The following CEACAM20 variants were observed in gnomAD, a reference collection of about 807,000 sequenced individuals.
CEACAM20 encodes CEA cell adhesion molecule 20, also known as cell adhesion molecule CEACAM20.
In CEACAM20, 50 loss-of-function variants were observed where a neutral mutation model predicts 61.2. The ratio of observed to expected loss-of-function variants is 0.82; its 90% CI spans 0.65 to 1.03. The LOEUF (loss-of-function observed/expected upper bound fraction) is 1.03. Ranked by LOEUF, CEACAM20 falls within the 50% of genes least tolerant of loss-of-function variation. CEACAM20 has a pLI of 0.00. For missense variants in CEACAM20, 683 were observed against 736.4 expected (o/e 0.93, Z 0.84); for synonymous variants, 282 against 287.7 (o/e 0.98, Z 0.20).
At chr19:44,512,388 G>A (rs1599666891) in intron 8 of CEACAM20, among the ~76,000 whole-genome samples, 1 of 152,150 alleles carries the variant, frequency 6.6e-6, no homozygotes, top group Non-Finnish European at 1.5e-5. Flanking sequence ...AATGGGGCTG[G>A]ATTGGACAGT....
Position 44,525,151 on chromosome 19 carries a change from A to C in CEACAM20, c.146T>G (p.Leu49Arg). Residue 49 changes from leucine to arginine, a missense_variant, in exon 2 of 12, where the codon CTG becomes CGG. Transcript: ENST00000614924. ...TGTCCTGGGGGTCCCAAACACAGGC[A>C]GAACAACATCCTCACTTTGGGTGGC... The part of the protein sequence containing the change: ...LDATQSEDVV[L>R]PVFGTPRTPQ... 6.2e-7 allele frequency: 1 copy of C among 1,610,902 alleles called. No individual in the cohort carries two copies. The highest frequency in any genetic ancestry group is 8.5e-7 in the Non-Finnish European group (1 of 1,178,696).
chr19:44,510,375 TGATG>T (rs1970935431), intron 11 of CEACAM20, among the ~76,000 whole-genome samples: 1 of 151,720 alleles, frequency 6.6e-6, no homozygotes, highest in South Asian at 2.1e-4. Flanking sequence ...TAGCTGGGTG[TGATG>T]GCTCGTGCCT....
intron 7 of CEACAM20, 64 bp from the exon 8 acceptor site, chr19:44,513,017 C>G (rs1480320113): frequency 7.1e-6 from 10 of 1,417,840 alleles, no homozygotes; most frequent in East Asian, 2.4e-5. Flanking sequence ...CAGGTTCTGC[C>G]CATATCCCAT....
At chr19:44,511,391 T>C (rs1970995174) in intron 10 of CEACAM20, among the ~76,000 whole-genome samples, 1 of 152,082 alleles carries the variant, frequency 6.6e-6, no homozygotes, top group African/African-American at 2.4e-5. Context: ...CATGTGCTGG[T>C]CCAGTACCAC....
intron 8 of CEACAM20, 96 bp from the exon 9 acceptor site, chr19:44,512,174 C>A: frequency 1.1e-6 from 1 of 882,058 alleles, no homozygotes. Flanking sequence ...GAAGGAAGTG[C>A]AGAAATCCTT....
At chr19:44,515,639 T>C (rs1428429195) in intron 6 of CEACAM20, among the ~76,000 whole-genome samples, 1 of 152,102 alleles carries the variant, frequency 6.6e-6, no homozygotes, top group African/African-American at 2.4e-5. Context: ...ATGGGAAAGT[T>C]GGATTCAGAC....
rs71171251 is a variant in CEACAM20, at chr19:44,510,611, A to AGAAAGAAAGGAAGGAAGG, written c.1737+418_1737+419insCCTTCCTTCCTTTCTTTC. Among the ~76,000 whole-genome samples, 185 of 72,394 alleles carry AGAAAGAAAGGAAGGAAGG rather than the reference A, an allele frequency of 2.6e-3. 8 individuals are homozygous for AGAAAGAAAGGAAGGAAGG. The highest frequency in any genetic ancestry group is 0.011 in the African/African-American group (165 of 15,644). 47.5% of individuals were successfully genotyped at this position (72,394 alleles called of 152,430 possible). ...AAGAAAGAAAGAAAGAAAGAAAGAA[A>AGAAAGAAAGGAAGGAAGG]AAGGAAGGAAGGAAGAAAGAAAGAG... On this transcript the variant is annotated intron_variant, in intron 11 of 11. Transcript: ENST00000614924.
rs554144350 is a variant in CEACAM20, at chr19:44,521,863, G to A, written c.751+771C>T. On this transcript the variant is annotated intron_variant, in intron 4 of 11. Coordinates refer to ENST00000614924, the MANE Select transcript of CEACAM20 (RefSeq NM_001102597.3). ...CTGTTCATGTGGGGATATTATCTGT[G>A]TGTGTACGGAGTGTGTGAATGTTGT... Among the ~76,000 whole-genome samples the A allele has an allele frequency of 1.4e-4, 22 of 152,212 alleles. No homozygotes were observed. The South Asian group carries it at 1.5e-3, about 10-fold the overall frequency.
At position 44,528,956 on chromosome 19, in the gene CEACAM20, C is replaced by CTTTTTT. The variant is rs71171255; in HGVS notation, c.52+496_52+501dup. On this transcript the variant is annotated intron_variant, in intron 1 of 11. Transcript: ENST00000614924. ...TATTTCTGTATTTCTCTCTTTCTTT[C>CTTTTTT]TTTTTTTTTTTTTTTTTTTTGAGAC... Among the ~76,000 whole-genome samples, 325 of 92,566 alleles carry CTTTTTT rather than the reference C, an allele frequency of 3.5e-3. 7 individuals carry two copies. Among genetic ancestry groups the CTTTTTT allele is most frequent in the Middle Eastern group, 8.3e-3 (1 of 120 alleles). 60.7% of individuals were successfully genotyped at this position (92,566 alleles called of 152,430 possible).
At chr19:44,526,208 T>C (rs898089360) in intron 1 of CEACAM20, among the ~76,000 whole-genome samples, 1 of 152,170 alleles carries the variant, frequency 6.6e-6, no homozygotes, top group Non-Finnish European at 1.5e-5. Flanking sequence ...GAGAACAAGA[T>C]AGCAGGTTTC....
chr19:44,516,636 C>T (rs1207293930), intron 6 of CEACAM20, among the ~76,000 whole-genome samples: 1 of 152,170 alleles, frequency 6.6e-6, no homozygotes, highest in Non-Finnish European at 1.5e-5. Flanking sequence ...TTATAAATTA[C>T]CCAGTCTTCA....
In CEACAM20 at chr19:44,528,221, C is replaced by CTT. The variant is rs565850010; in HGVS notation, c.52+1236_52+1237insAA. Reference sequence around the variant, plus strand: ...CCTTTCTTTCTCTCTCTCCCTTTCCCTCTTTCTTTCTTCTTTTTCTTTTTT... The same window carrying CTT: ...CCTTTCTTTCTCTCTCTCCCTTTCCCTTTCTTTCTTTCTTCTTTTTCTTTTTT... On this transcript the variant is annotated intron_variant, in intron 1 of 11. Transcript: ENST00000614924. Among the ~76,000 whole-genome samples, 37 of 140,338 alleles carry CTT rather than the reference C, an allele frequency of 2.6e-4. No homozygotes were observed. In the South Asian group the frequency reaches 3.2e-3, roughly 12 times the overall value. The allele number at this position is 140,338 out of a possible 152,430, so 92.1% of individuals were successfully genotyped here.
intron 1 of CEACAM20, among the ~76,000 whole-genome samples, chr19:44,528,161 T>TCTTTCTTTC (rs1271281339): frequency 6.8e-6 from 1 of 147,344 alleles, no homozygotes; most frequent in Non-Finnish European, 1.5e-5. Flanking sequence ...TTCTTTCTTT[T>TCTTTCTTTC]CTTTCTTTCC....
chr19:44,520,845 C>CGTGT (rs57244256), intron 4 of CEACAM20, 93 bp from the exon 5 acceptor site: 33 of 975,294 alleles, frequency 3.4e-5, no homozygotes, highest in South Asian at 4.6e-5. Context: ...GGAGTGCGTG[C>CGTGT]GTGTGTGTGT....
chr19:44,515,735 G>A lies in CEACAM20; in HGVS notation c.1309+1211C>T, dbSNP rs554082760. Among the ~76,000 whole-genome samples the A allele has an allele frequency of 5.9e-5, 9 of 152,180 alleles. No homozygotes were observed. The South Asian group carries it at 6.2e-4, about 11-fold the overall frequency. On this transcript the variant is annotated intron_variant, in intron 6 of 11. Coordinates refer to ENST00000614924, the MANE Select transcript of CEACAM20 (RefSeq NM_001102597.3). ...TCTCAGCACGTTGGGAGGCTGAAGCGGGACGATCACTTGAGCCCAGGAGTT... is the reference window on the plus strand; with the variant it reads ...TCTCAGCACGTTGGGAGGCTGAAGCAGGACGATCACTTGAGCCCAGGAGTT...
intron 6 of CEACAM20, among the ~76,000 whole-genome samples, chr19:44,515,945 G>T (rs1329829507): frequency 6.6e-6 from 1 of 152,084 alleles, no homozygotes; most frequent in Non-Finnish European, 1.5e-5. Context: ...CACAAAAAAA[G>T]GAATAATTTT....
Position 44,528,158 on chromosome 19 carries a change from T to TTTCC in CEACAM20, c.52+1299_52+1300insGGAA, listed in dbSNP as rs1426951753. 3.7e-3 allele frequency among the ~76,000 whole-genome samples: 468 copies of TTTCC among 124,824 alleles called. 6 individuals carry two copies. The highest frequency in any genetic ancestry group is 0.011 in the African/African-American group (392 of 35,542). The allele number at this position is 124,824 out of a possible 152,430, so 81.9% of individuals were successfully genotyped here. ...TCTCTTTCTTTCTTTTCTTTCTTTCTTTTCTTTCTTTCCTTTCTTTCTTTC... is the reference window on the plus strand; with the variant it reads ...TCTCTTTCTTTCTTTTCTTTCTTTCTTTCCTTTCTTTCTTTCCTTTCTTTCTTTC... On this transcript the variant is annotated intron_variant, in intron 1 of 11. Coordinates refer to ENST00000614924, the MANE Select transcript of CEACAM20 (RefSeq NM_001102597.3).
intron 4 of CEACAM20, among the ~76,000 whole-genome samples, chr19:44,521,455 G>A (rs1971362881): frequency 6.6e-6 from 1 of 151,508 alleles, no homozygotes; most frequent in Non-Finnish European, 1.5e-5. Context: ...TTGTGTAGAT[G>A]TATGTGAGAT....
chr19:44,507,467 A>C (rs1469607387), intron 11 of CEACAM20, among the ~76,000 whole-genome samples: 1 of 152,230 alleles, frequency 6.6e-6, no homozygotes, highest in African/African-American at 2.4e-5. Flanking sequence ...CTCTGAAGTT[A>C]TAGAGAAGCA....
Sources: allele counts gnomAD v4.1 joint callset (sites outside exome capture counted in the v4.1 genomes callset), GRCh38; gene constraint gnomAD v4.1.1; transcripts MANE v1.5; gene names NCBI Gene and HGNC (gene_info 2026-07-23, HGNC 2026-07-21).